The following KRABD5 variants were observed in gnomAD, a reference collection of about 807,000 sequenced individuals.
KRABD5 encodes the protein KRAB domain-containing protein 5.
the KRABD5 span, among the ~76,000 whole-genome samples, chr16:31,740,997 C>G: frequency 6.6e-6 from 1 of 152,076 alleles, no homozygotes; most frequent in African/African-American, 2.4e-5. Flanking sequence ...CCATGAGTCC[C>G]CATTGTCTCT....
At chr16:31,738,733 TG>T in the KRABD5 span, among the ~76,000 whole-genome samples, 1 of 152,176 alleles carries the variant, frequency 6.6e-6, no homozygotes, top group African/African-American at 2.4e-5. Context: ...TTTTGGGTTT[TG>T]TATCTATTTT....
At chr16:31,716,461 C>T in the KRABD5 span, among the ~76,000 whole-genome samples, 30 of 151,974 alleles carry the variant, frequency 2.0e-4, 1 homozygote, top group Admixed American at 1.5e-3. Context: ...GCAGTCTTGA[C>T]GTCCCTGGGC....
chr16:31,730,544 T>A, the KRABD5 span, among the ~76,000 whole-genome samples: 1 of 152,112 alleles, frequency 6.6e-6, no homozygotes, highest in Non-Finnish European at 1.5e-5. Flanking sequence ...CTTCATTAGG[T>A]TCTTCTTGCC....
chr16:31,753,721 C>T, the KRABD5 span: 2 of 1,421,192 alleles, frequency 1.4e-6, no homozygotes, highest in East Asian at 2.5e-5. Context: ...GTATTTTCAC[C>T]TGAATTTAGT....
At chr16:31,717,916 A>G in the KRABD5 span, among the ~76,000 whole-genome samples, 1 of 152,090 alleles carries the variant, frequency 6.6e-6, no homozygotes, top group Non-Finnish European at 1.5e-5. Flanking sequence ...CCCTTCTAGA[A>G]GAGTTTGGCC....
chr16:31,753,465 C>T, the KRABD5 span, among the ~76,000 whole-genome samples: 1 of 152,168 alleles, frequency 6.6e-6, no homozygotes, highest in Admixed American at 6.5e-5. Flanking sequence ...GAGAGCGAAA[C>T]AGAATGCGAA....
the KRABD5 span, among the ~76,000 whole-genome samples, chr16:31,720,564 C>G: frequency 6.6e-6 from 1 of 152,182 alleles, no homozygotes; most frequent in Non-Finnish European, 1.5e-5. Context: ...GTATGTTCCT[C>G]CACATATTCT....
At chr16:31,742,351 C>T in the KRABD5 span, among the ~76,000 whole-genome samples, 1 of 152,126 alleles carries the variant, frequency 6.6e-6, no homozygotes, top group African/African-American at 2.4e-5. Flanking sequence ...TGTTGTTCTC[C>T]TCTCTGTGTC....
the KRABD5 span, chr16:31,713,620 C>T: frequency 1.0e-5 from 8 of 797,342 alleles, no homozygotes; most frequent in East Asian, 1.2e-4. Flanking sequence ...GTCCGGTCCC[C>T]TCCCGACCCC....
At chr16:31,758,119 T>C in the KRABD5 span, 1 of 152,076 alleles carries the variant, frequency 6.6e-6, no homozygotes, top group African/African-American at 2.4e-5. Flanking sequence ...AGTTAGAAAA[T>C]ACAAGTTGAG....
At chr16:31,716,523 T>A in the KRABD5 span, among the ~76,000 whole-genome samples, 7 of 152,254 alleles carry the variant, frequency 4.6e-5, no homozygotes, top group East Asian at 1.4e-3. Flanking sequence ...TGGAGGCATG[T>A]GCCCCCCACA....
At chr16:31,746,313 G>A in the KRABD5 span, among the ~76,000 whole-genome samples, 5 of 152,100 alleles carry the variant, frequency 3.3e-5, no homozygotes, top group East Asian at 7.7e-4. Flanking sequence ...AGGCATGGTG[G>A]TAATGAAATC....
chr16:31,755,747 C>G, the KRABD5 span: 1 of 355,834 alleles, frequency 2.8e-6, no homozygotes, highest in Non-Finnish European at 5.5e-6. Flanking sequence ...AGAGTTTTAT[C>G]CAAAATTTAG....
chr16:31,713,578 T>C, the KRABD5 span: 1 of 1,267,140 alleles, frequency 7.9e-7, no homozygotes, highest in South Asian at 1.5e-5. Context: ...CGCCGCAAGA[T>C]GGCGGCCGGG....
chr16:31,759,518 A>T, the KRABD5 span: 1 of 1,140,510 alleles, frequency 8.8e-7, no homozygotes, highest in Non-Finnish European at 1.3e-6. Context: ...GTTAAGGTTT[A>T]TGCCTTGCAA....
chr16:31,744,772 A>G, the KRABD5 span, among the ~76,000 whole-genome samples: 1 of 152,020 alleles, frequency 6.6e-6, no homozygotes, highest in Non-Finnish European at 1.5e-5. Context: ...TTTGGTTGGT[A>G]GGCTATTATT....
the KRABD5 span, among the ~76,000 whole-genome samples, chr16:31,740,976 C>T: frequency 6.6e-6 from 1 of 152,148 alleles, no homozygotes; most frequent in Non-Finnish European, 1.5e-5. Flanking sequence ...TGCTTCCTTC[C>T]TTTACTGCCC....
At chr16:31,722,504 A>G in the KRABD5 span, 2 of 1,065,918 alleles carry the variant, frequency 1.9e-6, no homozygotes, top group African/African-American at 1.6e-5. Context: ...ATCTTATTGA[A>G]TATTTCAGGT....
At chr16:31,740,864 TG>T in the KRABD5 span, among the ~76,000 whole-genome samples, 1 of 152,186 alleles carries the variant, frequency 6.6e-6, no homozygotes, top group Admixed American at 6.5e-5. Context: ...GTACATGTGT[TG>T]GTTCATTACA....
Sources: allele counts gnomAD v4.1 joint callset (sites outside exome capture counted in the v4.1 genomes callset), GRCh38; gene constraint gnomAD v4.1.1; transcripts MANE v1.5; gene names NCBI Gene and HGNC (gene_info 2026-07-23, HGNC 2026-07-21).